Variants in SLC14A2 observed in about 807,000 individuals in gnomAD.
SLC14A2 encodes urea transporter 2.
A neutral mutation model predicts 104.6 loss-of-function variants in SLC14A2; 91 were observed. The ratio of observed to expected loss-of-function variants is 0.87; its 90% CI spans 0.73 to 1.04. SLC14A2 has a LOEUF of 1.04. Among genes scored for constraint, SLC14A2 ranks in the 50% least tolerant of loss-of-function variants. The pLI is 0.00. For missense variants in SLC14A2, 1,189 were observed against 1,156.0 expected (o/e 1.03, Z -0.41); for synonymous variants, 476 against 466.4 (o/e 1.02, Z -0.27).
intron 18 of SLC14A2, among the ~76,000 whole-genome samples, chr18:45,677,978 C>T (rs1277889205): frequency 6.6e-6 from 1 of 152,150 alleles, no homozygotes; most frequent in Non-Finnish European, 1.5e-5. Context: ...GCCACCACAC[C>T]CAGCTAATGT....
At chr18:45,327,060 A>G (rs926227748) in intron 1 of SLC14A2, among the ~76,000 whole-genome samples, 9 of 152,126 alleles carry the variant, frequency 5.9e-5, no homozygotes, top group Admixed American at 2.0e-4. Flanking sequence ...CCAGCCAGCC[A>G]TCTAGCTAGC....
upstream of SLC14A2, chr18:45,614,716 C>T (rs1210861793): frequency 6.6e-6 from 1 of 151,708 alleles, no homozygotes. Context: ...TTGTTTTGGC[C>T]AATTTCTCCC....
chr18:45,478,169 T>C (rs1320049790), intron 1 of SLC14A2, among the ~76,000 whole-genome samples: 1 of 152,184 alleles, frequency 6.6e-6, no homozygotes, highest in East Asian at 1.9e-4. Context: ...GGGAAAAGAA[T>C]AGTATCTGAG....
At chr18:45,352,934 A>C (rs2085517153) in intron 1 of SLC14A2, among the ~76,000 whole-genome samples, 1 of 152,228 alleles carries the variant, frequency 6.6e-6, no homozygotes, top group South Asian at 2.1e-4. Flanking sequence ...CTGCATGGTC[A>C]GAACAAATTT....
At chr18:45,353,107 T>C (rs1174313267) in intron 1 of SLC14A2, among the ~76,000 whole-genome samples, 2 of 152,186 alleles carry the variant, frequency 1.3e-5, no homozygotes, top group South Asian at 2.1e-4. Flanking sequence ...TCAGCTATTG[T>C]TACATAAGCA....
At chr18:45,216,731 G>C (rs1437388646) in intron 1 of SLC14A2, among the ~76,000 whole-genome samples, 1 of 152,164 alleles carries the variant, frequency 6.6e-6, no homozygotes, top group Non-Finnish European at 1.5e-5. Flanking sequence ...CCGAGCAGCA[G>C]TCCTGGGTGT....
At chr18:45,335,553 A>G (rs531153248) in intron 1 of SLC14A2, among the ~76,000 whole-genome samples, 7 of 152,364 alleles carry the variant, frequency 4.6e-5, no homozygotes, top group Admixed American at 2.6e-4. Flanking sequence ...CCATAAGAAT[A>G]GATGTCAATA....
intron 2 of SLC14A2, 97 bp downstream of exon 2, chr18:45,624,911 C>A: frequency 1.6e-6 from 2 of 1,279,652 alleles, no homozygotes; most frequent in Admixed American, 2.0e-5. Flanking sequence ...GTGAACTTAG[C>A]ACACTGAGGA....
rs1962357 is a variant in SLC14A2 at position 45,586,399 on chromosome 18, C to G, written c.-34-38232C>G. Among the ~76,000 whole-genome samples the G allele has an allele frequency of 7.2e-3, 1,089 of 152,284 alleles. 29 individuals carry two copies. The East Asian group carries it at 0.091, about 13-fold the overall frequency. ...TGGGAGAAATCGCTAGAAGCTGACGCTCATAAACTTTGAAGGCCTTGGCAC... is the reference window on the plus strand; with the variant it reads ...TGGGAGAAATCGCTAGAAGCTGACGGTCATAAACTTTGAAGGCCTTGGCAC... On this transcript the variant is annotated intron_variant, in intron 2 of 20. Coordinates refer to the SLC14A2 transcript ENST00000586448.
chr18:45,674,023 G>C (rs772748891), intron 18 of SLC14A2, among the ~76,000 whole-genome samples: 4 of 152,126 alleles, frequency 2.6e-5, no homozygotes, highest in Non-Finnish European at 5.9e-5. Flanking sequence ...TCTCCTGGCG[G>C]GGGTTGGAGC....
intron 1 of SLC14A2, among the ~76,000 whole-genome samples, chr18:45,239,170 TC>T (rs781656989): frequency 6.6e-6 from 1 of 152,158 alleles, no homozygotes; most frequent in Non-Finnish European, 1.5e-5. Flanking sequence ...TCCTCCCAGA[TC>T]CACTCACCTA....
chr18:45,630,426 T>G (rs1479958704), intron 4 of SLC14A2, among the ~76,000 whole-genome samples: 1 of 152,102 alleles, frequency 6.6e-6, no homozygotes, highest in Admixed American at 6.6e-5. Flanking sequence ...AGACTATACT[T>G]TACAGATGGT....
chr18:45,618,839 A>C (rs2045117566), intron 1 of SLC14A2, among the ~76,000 whole-genome samples: 1 of 152,198 alleles, frequency 6.6e-6, no homozygotes, highest in South Asian at 2.1e-4. Context: ...CCCTTTGAAC[A>C]TGGGCCCCTT....
chr18:45,217,886 A>G (rs750350877), intron 1 of SLC14A2, among the ~76,000 whole-genome samples: 64 of 152,188 alleles, frequency 4.2e-4, no homozygotes, highest in Non-Finnish European at 7.8e-4. Context: ...TATTTTCAAA[A>G]AGATATCCAG....
At chr18:45,644,682 G>A (rs190983732) in intron 10 of SLC14A2, among the ~76,000 whole-genome samples, 63 of 152,180 alleles carry the variant, frequency 4.1e-4, no homozygotes, top group African/African-American at 1.4e-3. Flanking sequence ...AAACAGGGAC[G>A]ATTGGGGCAG....
Position 45,643,182 on chromosome 18 carries a change from G to T in SLC14A2, c.1176+1G>T, listed in dbSNP as rs1318561678. Reference sequence around the variant, plus strand: ...AGCCATCTCCAACATCATGTCAGTGGTAAGTGTGGATTCTCCTGAACACTA... The same window carrying T: ...AGCCATCTCCAACATCATGTCAGTGTTAAGTGTGGATTCTCCTGAACACTA... On this transcript the variant is annotated splice_donor_variant, in intron 9 of 19. Transcript: ENST00000255226. LOFTEE classifies it high-confidence loss of function. The T allele has an allele frequency of 1.9e-6, 3 of 1,613,602 alleles. No individual in the cohort carries two copies. Among genetic ancestry groups the T allele is most frequent in the Non-Finnish European group, 2.5e-6 (3 of 1,179,582 alleles).
At chr18:45,169,173 A>C in the SLC14A2 span, 2 of 152,256 alleles carry the variant, frequency 1.3e-5, no homozygotes, top group Non-Finnish European at 2.9e-5. Flanking sequence ...ATTGGAAAGA[A>C]AATGATGTTG....
intron 1 of SLC14A2, among the ~76,000 whole-genome samples, chr18:45,339,117 G>A (rs545004383): frequency 6.6e-6 from 1 of 152,080 alleles, no homozygotes; most frequent in Non-Finnish European, 1.5e-5. Context: ...TTCTGTTTCT[G>A]TTGTTGTTAT....
intron 1 of SLC14A2, among the ~76,000 whole-genome samples, chr18:45,315,098 C>A (rs1354459941): frequency 6.6e-6 from 1 of 152,068 alleles, no homozygotes; most frequent in Non-Finnish European, 1.5e-5. Flanking sequence ...TTCAATGGCT[C>A]CCTGACAATA....
Sources: gnomAD v4.1 joint callset for allele counts (sites outside exome capture counted in the v4.1 genomes callset) on GRCh38, gnomAD v4.1.1 for gene constraint, MANE v1.5 for transcripts, NCBI Gene and HGNC (gene_info 2026-07-23, HGNC 2026-07-21) for gene names.